Variants in CHN2 observed in about 807,000 individuals in gnomAD.
CHN2 encodes beta-chimaerin.
CHN2 carries 35 observed loss-of-function variants against 56.3 expected under a neutral mutation model. The observed-to-expected ratio is 0.62, with a 90% confidence interval of 0.47 to 0.82. The LOEUF is 0.82. Among genes scored for constraint, CHN2 ranks in the 40% least tolerant of loss-of-function variants. The pLI is 0.00. For synonymous variants in CHN2, 210 were observed against 212.8 expected, an observed-to-expected ratio of 0.99 and a Z score of 0.12; for missense variants, 491 against 580.5, an observed-to-expected ratio of 0.85 and a Z score of 1.58.
At chr7:29,258,626 GTT>G (rs1789267744) in intron 1 of CHN2, among the ~76,000 whole-genome samples, 2 of 152,144 alleles carry the variant, frequency 1.3e-5, no homozygotes, top group African/African-American at 4.8e-5. Context: ...GAAATGAAGT[GTT>G]TTTATTCTTT....
chr7:29,481,857 C>T (rs961235000), intron 7 of CHN2, among the ~76,000 whole-genome samples: 5 of 151,984 alleles, frequency 3.3e-5, no homozygotes, highest in South Asian at 4.1e-4. Flanking sequence ...ATTCATTTGG[C>T]GTTAAGAAAT....
At chr7:29,504,228 C>A (rs1428531186) in intron 9 of CHN2, among the ~76,000 whole-genome samples, 2 of 152,048 alleles carry the variant, frequency 1.3e-5, no homozygotes, top group African/African-American at 4.8e-5. Context: ...GTGCTACATA[C>A]AATATAGCAC....
intron 2 of CHN2, among the ~76,000 whole-genome samples, chr7:29,358,646 A>C (rs1798505657): frequency 6.6e-6 from 1 of 151,802 alleles, no homozygotes; most frequent in Non-Finnish European, 1.5e-5. Context: ...TTGTATTTTT[A>C]ATAGAGACAG....
intron 1 of CHN2, among the ~76,000 whole-genome samples, chr7:29,288,001 C>T (rs1388127713): frequency 1.3e-5 from 2 of 152,064 alleles, no homozygotes; most frequent in Non-Finnish European, 2.9e-5. Context: ...TCATAACAAG[C>T]ATATACTTTA....
intron 9 of CHN2, 62 bp from the exon 10 acceptor site, chr7:29,504,682 C>CTT (rs200507124): frequency 0.15 from 126,200 of 868,652 alleles, 3,257 homozygotes; most frequent in East Asian, 0.17. Flanking sequence ...TGAAATTAGT[C>CTT]TTTTTTTTTT....
chr7:29,304,852 A>G (rs3812333), intron 1 of CHN2, among the ~76,000 whole-genome samples: 97,717 of 152,090 alleles, frequency 0.64, 31,833 homozygotes, highest in Non-Finnish European at 0.7. Context: ...CTGCATTTTG[A>G]AGGACACAAT....
At chr7:29,170,693 G>C (rs573855422) in intron 2 of CHN2, among the ~76,000 whole-genome samples, 48 of 152,264 alleles carry the variant, frequency 3.2e-4, no homozygotes, top group African/African-American at 1.1e-3. Flanking sequence ...GTATTAGTCT[G>C]TTTTCACACT....
Position 29,333,279 on chromosome 7 carries a change from C to G in CHN2, c.50-21346C>G, listed in dbSNP as rs144576126. 6.9e-3 allele frequency among the ~76,000 whole-genome samples: 1,050 copies of G among 152,256 alleles called. 13 individuals carry two copies. Among genetic ancestry groups the G allele is most frequent in the African/African-American group, 0.022 (930 of 41,558 alleles). On this transcript the variant is annotated intron_variant, in intron 1 of 12. Transcript: ENST00000222792. ...TCCCACACCAGGCGTCAGTGGAGGACTATGCCACCATACCCTGACCCGCCC... is the reference window on the plus strand; with the variant it reads ...TCCCACACCAGGCGTCAGTGGAGGAGTATGCCACCATACCCTGACCCGCCC...
intron 1 of CHN2, among the ~76,000 whole-genome samples, chr7:29,348,430 C>T (rs1008313566): frequency 7.2e-5 from 11 of 152,136 alleles, no homozygotes; most frequent in African/African-American, 1.7e-4. Context: ...ATTATTTCAA[C>T]GGTCTTATTA....
chr7:29,431,077 A>G (rs565115247), intron 6 of CHN2, among the ~76,000 whole-genome samples: 4 of 152,304 alleles, frequency 2.6e-5, no homozygotes, highest in South Asian at 2.1e-4. Flanking sequence ...AAGCCTAACC[A>G]GTAAGCGTAC....
intron 7 of CHN2, 66 bp from the exon 8 acceptor site, chr7:29,495,886 G>A (rs760813080): frequency 4.4e-6 from 6 of 1,368,392 alleles, no homozygotes; most frequent in Non-Finnish European, 6.2e-6. Context: ...TCATTGACAT[G>A]TCTGAGGCTA....
chr7:29,499,077 A>T (rs1789643082), intron 8 of CHN2, among the ~76,000 whole-genome samples: 1 of 152,124 alleles, frequency 6.6e-6, no homozygotes, highest in African/African-American at 2.4e-5. Context: ...CCTTTTTATC[A>T]TCAGAGAAAT....
intron 7 of CHN2, 91 bp from the exon 8 acceptor site, chr7:29,495,861 C>A: frequency 1.0e-6 from 1 of 998,042 alleles, no homozygotes; most frequent in Non-Finnish European, 1.6e-6. Flanking sequence ...AGTGGGGGAT[C>A]GCTCCTGCTG....
At chr7:29,212,506 C>T in intron 1 of CHN2, 1 of 1,570,902 alleles carries the variant, frequency 6.4e-7, no homozygotes, top group African/African-American at 1.3e-5. Flanking sequence ...CTGATTCTTC[C>T]ACCAGTCCCA....
rs538180132 is a variant in CHN2 at position 29,414,418 on chromosome 7, G to A, written c.576+13590G>A. 3.9e-5 allele frequency among the ~76,000 whole-genome samples: 6 copies of A among 152,286 alleles called. No individual in the cohort carries two copies. In the South Asian group the frequency reaches 8.3e-4, roughly 21 times the overall value. ...GCACGGGGTATTGACCACATACCAC[G>A]TGCTATAGGGGTGGCTTTCAGTTTG... On this transcript the variant is annotated intron_variant, in intron 6 of 12. Transcript: ENST00000222792.
chr7:29,270,648 G>T (rs1452178465), intron 1 of CHN2, among the ~76,000 whole-genome samples: 1 of 147,608 alleles, frequency 6.8e-6, no homozygotes, highest in East Asian at 2.0e-4. Flanking sequence ...TTGGGCAACA[G>T]AGCAAGACTC....
intron 6 of CHN2, among the ~76,000 whole-genome samples, chr7:29,453,128 G>A (rs978337135): frequency 2.0e-5 from 3 of 152,136 alleles, no homozygotes; most frequent in Non-Finnish European, 4.4e-5. Context: ...TCTGCCAATG[G>A]ATAAATTCCA....
intron 6 of CHN2, among the ~76,000 whole-genome samples, chr7:29,431,599 C>A (rs1782863335): frequency 1.3e-5 from 2 of 152,192 alleles, no homozygotes; most frequent in South Asian, 2.1e-4. Flanking sequence ...ACAGTTCTTG[C>A]AACAGAAGAA....
chr7:29,197,723 G>T (rs1056780665), intron 1 of CHN2, among the ~76,000 whole-genome samples: 2 of 152,180 alleles, frequency 1.3e-5, no homozygotes, highest in Non-Finnish European at 2.9e-5. Flanking sequence ...GTTTGGCATG[G>T]AAAGATGAGT....
Sources: allele counts gnomAD v4.1 joint callset (sites outside exome capture counted in the v4.1 genomes callset), GRCh38; gene constraint gnomAD v4.1.1; transcripts MANE v1.5; gene names NCBI Gene and HGNC (gene_info 2026-07-23, HGNC 2026-07-21).